Variants in SERPINB12 observed in about 807,000 individuals in gnomAD.
SERPINB12 encodes the protein serpin family B member 12.
SERPINB12 carries 57 observed loss-of-function variants against 41.1 expected under a neutral mutation model. That is an observed-to-expected ratio of 1.39 (90% CI 1.12 to 1.73). SERPINB12 has a LOEUF of 1.73. Among genes scored for constraint, SERPINB12 ranks in the 40% most tolerant of loss-of-function variants. SERPINB12 has a pLI of 0.00. For missense variants in SERPINB12, 536 were observed against 501.9 expected, an observed-to-expected ratio of 1.07 and a Z score of -0.65; for synonymous variants, 180 against 181.3, an observed-to-expected ratio of 0.99 and a Z score of 0.06.
rs114263516 is a variant in SERPINB12, at chr18:63,568,023, C to T, written c.*1012C>T. On this transcript the variant is annotated 3_prime_UTR_variant, in exon 8 of 8. Transcript: ENST00000382768. ...TGGCCACGTGGACTTTTGTGTCTTC[C>T]GAGAGGTCTCATGCCAGACCACATG... Among the ~76,000 whole-genome samples the T allele has an allele frequency of 0.021, 3,122 of 152,238 alleles. 114 individuals are homozygous for T. Among genetic ancestry groups the T allele is most frequent in the African/African-American group, 0.071 (2,937 of 41,532 alleles).
At chr18:63,552,956 CTT>C (rs1290554410) in intron 1 of SERPINB12, among the ~76,000 whole-genome samples, 2 of 152,080 alleles carry the variant, frequency 1.3e-5, no homozygotes, top group Non-Finnish European at 2.9e-5. Flanking sequence ...AGTCATAAAA[CTT>C]TAACAGCAAC....
chr18:63,556,552 C>T (rs1297465398), intron 2 of SERPINB12, among the ~76,000 whole-genome samples: 1 of 152,114 alleles, frequency 6.6e-6, no homozygotes, highest in Non-Finnish European at 1.5e-5. Flanking sequence ...TAGGGTGCTC[C>T]TCAACTTCAT....
chr18:63,550,286 CTTT>C (rs1267071764), intron 1 of SERPINB12, among the ~76,000 whole-genome samples: 2 of 152,176 alleles, frequency 1.3e-5, no homozygotes, highest in Non-Finnish European at 2.9e-5. Context: ...ACAATAACTT[CTTT>C]GTGTGGTGGA....
At chr18:63,550,746 A>C (rs1910504195) in intron 1 of SERPINB12, among the ~76,000 whole-genome samples, 1 of 152,158 alleles carries the variant, frequency 6.6e-6, no homozygotes, top group Non-Finnish European at 1.5e-5. Context: ...TCTTGCTGGC[A>C]GTTTGAAATT....
chr18:63,556,112 T>G, intron 1 of SERPINB12, 30 bp from the exon 2 acceptor site: 1 of 1,513,510 alleles, frequency 6.6e-7, no homozygotes, highest in Non-Finnish European at 9.1e-7. Flanking sequence ...CAATCACCAT[T>G]TTCTCTTTCT....
intron 1 of SERPINB12, among the ~76,000 whole-genome samples, chr18:63,555,914 G>T (rs1454784323): frequency 6.6e-6 from 1 of 152,118 alleles, no homozygotes; most frequent in African/African-American, 2.4e-5. Flanking sequence ...ATTTCTTATG[G>T]CAGCCCCAGG....
At chr18:63,544,313 G>A (rs1910335655) in intron 1 of SERPINB12, among the ~76,000 whole-genome samples, 3 of 152,166 alleles carry the variant, frequency 2.0e-5, no homozygotes, top group Non-Finnish European at 4.4e-5. Flanking sequence ...TACAGTTTTG[G>A]AAGAAATAGA....
rs1910981532 is a variant in SERPINB12, at chr18:63,563,475, G to A, written c.563-503G>A. 1.3e-5 allele frequency among the ~76,000 whole-genome samples: 2 copies of A among 152,164 alleles called. 1 individual carries two copies. The highest frequency in any genetic ancestry group is 4.1e-4 in the South Asian group (2 of 4,822). On this transcript the variant is annotated intron_variant, in intron 5 of 7. Transcript: ENST00000382768. Reference sequence around the variant, plus strand: ...GCTGTGATTGGACCCCCTGCGAGGTGGAGTTAGAGGGTTTCTCCCCTGCCC... The same window carrying A: ...GCTGTGATTGGACCCCCTGCGAGGTAGAGTTAGAGGGTTTCTCCCCTGCCC...
chr18:63,529,151 G>A, the SERPINB12 span, among the ~76,000 whole-genome samples: 1 of 152,186 alleles, frequency 6.6e-6, no homozygotes, highest in Non-Finnish European at 1.5e-5. Flanking sequence ...GAGTAGCATT[G>A]CAATGGGAAT....
chr18:63,536,327 CAA>C, the SERPINB12 span, among the ~76,000 whole-genome samples: 2 of 151,538 alleles, frequency 1.3e-5, no homozygotes, highest in Non-Finnish European at 2.9e-5. Context: ...TTTATAACAA[CAA>C]AAGAGGATGT....
At chr18:63,549,562 C>CTTGAAATCTCCATCTA (rs11273329) in intron 1 of SERPINB12, among the ~76,000 whole-genome samples, 1 of 151,710 alleles carries the variant, frequency 6.6e-6, no homozygotes, top group East Asian at 1.9e-4. Context: ...TGTTTGCAAT[C>CTTGAAATCTCCATCTA]TATTTAGGAT....
Position 63,566,705 on chromosome 18 carries a change from G to A in SERPINB12, c.972G>A (p.Leu324=). ...SVVLSFPRFT[L]EDSYDLNSIL... The stretch of plus-strand genomic sequence containing the variant: ...TCCTGTCCTTCCCCCGGTTCACCCT[G>A]GAAGACAGCTATGATCTCAATTCCA... Residue 324 remains leucine, a synonymous_variant, in exon 8 of 8, where the codon CTG becomes CTA. Transcript: ENST00000382768. 6.2e-7 allele frequency: 1 copy of A among 1,614,168 alleles called. No homozygotes were observed.
the SERPINB12 span, among the ~76,000 whole-genome samples, chr18:63,521,570 G>C: frequency 6.6e-6 from 1 of 152,124 alleles, no homozygotes; most frequent in African/African-American, 2.4e-5. Context: ...CAAAGCACTG[G>C]GCCAGCATTA....
At chr18:63,539,496 T>A (rs983376792), upstream of SERPINB12, among the ~76,000 whole-genome samples, 1 of 152,214 alleles carries the variant, frequency 6.6e-6, no homozygotes, top group South Asian at 2.1e-4. Flanking sequence ...TATAGGGATA[T>A]GGGAGGATTG....
chr18:63,558,999 C>CTTCT lies in SERPINB12; in HGVS notation c.303+516_303+517insTTTC, dbSNP rs796523073. ...ATAGATGATTGTCTTTCTTTCTTTC[C>CTTCT]TTCCTTCTTTCTTTCTTTCTTTCTT... On this transcript the variant is annotated intron_variant, in intron 3 of 7. Transcript: ENST00000382768. 7.7e-4 allele frequency among the ~76,000 whole-genome samples: 88 copies of CTTCT among 114,756 alleles called. 1 individual carries two copies. Among genetic ancestry groups the CTTCT allele is most frequent in the African/African-American group, 2.7e-3 (76 of 27,802 alleles). 75.3% of individuals were successfully genotyped at this position (114,756 alleles called of 152,430 possible). A position where few individuals can be genotyped will look rare whatever the true frequency, so the allele number is the denominator to read the frequency against.
chr18:63,567,332 T>G lies in SERPINB12; in HGVS notation c.*321T>G, dbSNP rs1911145972. On this transcript the variant is annotated 3_prime_UTR_variant, in exon 8 of 8. Transcript: ENST00000382768. ...CTAAAAGTTCAGGTCATTAGACCAT[T>G]TCTAAGAGATGGCAAACTCAGAAGC... 6.6e-6 allele frequency among the ~76,000 whole-genome samples: 1 copy of G among 152,204 alleles called. No homozygotes were observed.
chr18:63,522,011 G>A, the SERPINB12 span, among the ~76,000 whole-genome samples: 1 of 152,142 alleles, frequency 6.6e-6, no homozygotes, highest in African/African-American at 2.4e-5. Flanking sequence ...GCGTATTATA[G>A]CTATAGAGAA....
At chr18:63,565,324 C>G in intron 6 of SERPINB12, 121 bp from the exon 7 acceptor site, 1 of 877,218 alleles carries the variant, frequency 1.1e-6, no homozygotes, top group Non-Finnish European at 1.7e-6. Flanking sequence ...TGGTGTGGCT[C>G]AGGACTTCTC....
At chr18:63,529,704 C>T in the SERPINB12 span, among the ~76,000 whole-genome samples, 1 of 151,594 alleles carries the variant, frequency 6.6e-6, no homozygotes. Context: ...TGTGTGTGTA[C>T]CTACCTGTAT....
Sources: gnomAD v4.1 joint callset for allele counts (sites outside exome capture counted in the v4.1 genomes callset) on GRCh38, gnomAD v4.1.1 for gene constraint, MANE v1.5 for transcripts, NCBI Gene and HGNC (gene_info 2026-07-23, HGNC 2026-07-21) for gene names.